The following ABCB5 variants were observed in gnomAD, a reference collection of about 807,000 sequenced individuals.
ABCB5 encodes the protein ATP-binding cassette sub-family B member 5.
ABCB5 carries 155 observed loss-of-function variants against 144.2 expected under a neutral mutation model. That is an observed-to-expected ratio of 1.08 (90% CI 0.94 to 1.23). ABCB5 has a LOEUF of 1.23. Among genes scored for constraint, ABCB5 ranks in the 50% most tolerant of loss-of-function variants. ABCB5 has a pLI of 0.00. For synonymous variants in ABCB5, 610 were observed against 528.6 expected (o/e 1.15, Z -2.11); for missense variants, 1,830 against 1,520.8 (o/e 1.20, Z -3.38).
chr7:20,633,931 T>C (rs1043788525), intron 5 of ABCB5, among the ~76,000 whole-genome samples: 2 of 152,104 alleles, frequency 1.3e-5, no homozygotes, highest in African/African-American at 4.8e-5. Flanking sequence ...ATATATTGCA[T>C]AGTGGTGAAG....
intron 24 of ABCB5, among the ~76,000 whole-genome samples, chr7:20,740,839 G>A (rs1037680420): frequency 6.6e-6 from 1 of 152,054 alleles, no homozygotes; most frequent in Admixed American, 6.6e-5. Flanking sequence ...GGGTGTGGTG[G>A]CTTACACCTG....
At position 20,650,162 on chromosome 7, in the gene ABCB5, C is replaced by G; in HGVS notation, c.1332+15C>G. On this transcript the variant is annotated intron_variant, in intron 12 of 27. Coordinates refer to ENST00000404938, the MANE Select transcript of ABCB5 (RefSeq NM_001163941.2). ...ATGATGGCTTTGTAAGTGCAGCTAG[C>G]AAAACCATGCACAGTCCACCTAATG... 1.9e-6 allele frequency: 3 copies of G among 1,612,818 alleles called. No homozygotes were observed. Among genetic ancestry groups the G allele is most frequent in the Non-Finnish European group, 2.5e-6 (3 of 1,179,166 alleles).
chr7:20,712,480 A>G (rs1781519934), intron 20 of ABCB5, among the ~76,000 whole-genome samples: 1 of 149,058 alleles, frequency 6.7e-6, no homozygotes, highest in East Asian at 2.0e-4. Context: ...TTCTAGTCTC[A>G]CCTCTCCTTC....
intron 14 of ABCB5, among the ~76,000 whole-genome samples, chr7:20,664,140 C>T (rs1463057041): frequency 2.0e-5 from 3 of 151,926 alleles, no homozygotes; most frequent in Non-Finnish European, 4.4e-5. Flanking sequence ...GGAATTTGGC[C>T]TCTCAGAGTC....
At chr7:20,674,787 CTG>C in intron 14 of ABCB5, among the ~76,000 whole-genome samples, 1 of 144,494 alleles carries the variant, frequency 6.9e-6, no homozygotes, top group East Asian at 2.0e-4. Flanking sequence ...CACACACAAA[CTG>C]TTAGAACTAA....
At chr7:20,630,776 T>C (rs2128018947) in intron 4 of ABCB5, among the ~76,000 whole-genome samples, 1 of 152,306 alleles carries the variant, frequency 6.6e-6, no homozygotes, top group South Asian at 2.1e-4. Context: ...TTAAGTTTAT[T>C]CTGTAATTGA....
chr7:20,639,272 CA>C (rs1784235826), intron 5 of ABCB5, among the ~76,000 whole-genome samples: 1 of 152,156 alleles, frequency 6.6e-6, no homozygotes, highest in Non-Finnish European at 1.5e-5. Flanking sequence ...GTTGGATATA[CA>C]ATTGGCAAAT....
chr7:20,682,870 G>A (rs775226231), intron 15 of ABCB5, among the ~76,000 whole-genome samples: 2 of 152,130 alleles, frequency 1.3e-5, no homozygotes, highest in Non-Finnish European at 2.9e-5. Flanking sequence ...CCATACTTGC[G>A]TGTGTCATGG....
rs868427917 is a variant in ABCB5 at position 20,741,137 on chromosome 7, C to G, written c.3025-1740C>G. On this transcript the variant is annotated intron_variant, in intron 24 of 27. Coordinates refer to ENST00000404938, the MANE Select transcript of ABCB5 (RefSeq NM_001163941.2). ...AAAAAAAAATTAAAGTCTGGTCAAA[C>G]AAAATTGGCAAATATTGAAATTCCA... 1.8e-4 allele frequency among the ~76,000 whole-genome samples: 27 copies of G among 148,042 alleles called. 1 individual carries two copies. The South Asian group carries it at 2.1e-3, about 12-fold the overall frequency.
rs150104901 is a variant in ABCB5 at position 20,739,493 on chromosome 7, G to A, written c.3024+354G>A. On this transcript the variant is annotated intron_variant, in intron 24 of 27. Coordinates refer to ENST00000404938, the MANE Select transcript of ABCB5 (RefSeq NM_001163941.2). ...GTAACATAAAGAGTTAAAAGTTTGT[G>A]CAAAATAATTTTATGGCTGCAAACG... Among the ~76,000 whole-genome samples, 219 of 152,144 alleles carry A rather than the reference G, an allele frequency of 1.4e-3. 5 individuals are homozygous for A. In the East Asian group the frequency reaches 0.033, roughly 23 times the overall value.
At chr7:20,628,589 C>T in intron 3 of ABCB5, 99 bp from the exon 4 acceptor site, 1 of 1,225,404 alleles carries the variant, frequency 8.2e-7, no homozygotes, top group Non-Finnish European at 1.1e-6. Context: ...GTCATGTTTA[C>T]TAGGTGGCAA....
intron 1 of ABCB5, among the ~76,000 whole-genome samples, chr7:20,620,497 C>T (rs1335714201): frequency 3.3e-5 from 5 of 151,908 alleles, no homozygotes; most frequent in Non-Finnish European, 7.4e-5. Flanking sequence ...TTGCAAATCA[C>T]GTACTTAATA....
intron 15 of ABCB5, among the ~76,000 whole-genome samples, chr7:20,682,453 G>A (rs1365313405): frequency 3.3e-5 from 5 of 152,162 alleles, no homozygotes; most frequent in Admixed American, 2.0e-4. Context: ...TAAAAGGTGG[G>A]AGTTGGGGGT....
intron 14 of ABCB5, among the ~76,000 whole-genome samples, chr7:20,679,485 A>AAAAAAG (rs1396302002): frequency 3.4e-5 from 5 of 147,526 alleles, no homozygotes; most frequent in African/African-American, 1.0e-4. Context: ...AAAAAAAAAA[A>AAAAAAG]AGAGAGAGAG....
At chr7:20,741,943 T>C (rs1457642561) in intron 24 of ABCB5, among the ~76,000 whole-genome samples, 2 of 152,254 alleles carry the variant, frequency 1.3e-5, no homozygotes, top group Non-Finnish European at 2.9e-5. Context: ...CATTTAGTGA[T>C]AGTTCTGGAA....
At chr7:20,721,774 A>G (rs1349429359) in intron 20 of ABCB5, among the ~76,000 whole-genome samples, 1 of 152,232 alleles carries the variant, frequency 6.6e-6, no homozygotes, top group Non-Finnish European at 1.5e-5. Flanking sequence ...TTTTCCATTC[A>G]AATAGGAGTT....
At position 20,622,187 on chromosome 7, in the gene ABCB5, T is replaced by G. The variant is rs541781800; in HGVS notation, c.-21-1078T>G. 2.0e-5 allele frequency among the ~76,000 whole-genome samples: 3 copies of G among 152,278 alleles called. No homozygotes were observed. In the East Asian group the frequency reaches 5.8e-4, roughly 29 times the overall value. On this transcript the variant is annotated intron_variant, in intron 1 of 27. Transcript: ENST00000404938. Reference sequence around the variant, plus strand: ...TTACCAAGGCGAGGCTTAATTGTTTTGATTTCTTTCTATGGATGGATGCAT... The same window carrying G: ...TTACCAAGGCGAGGCTTAATTGTTTGGATTTCTTTCTATGGATGGATGCAT...
At position 20,710,381 on chromosome 7, in the gene ABCB5, A is replaced by AAAGGGG. The variant is rs1242291728; in HGVS notation, c.2421+5574_2421+5575insAAGGGG. 1.1e-3 allele frequency among the ~76,000 whole-genome samples: 65 copies of AAAGGGG among 56,706 alleles called. 10 individuals carry two copies. Among genetic ancestry groups the AAAGGGG allele is most frequent in the South Asian group, 4.2e-3 (5 of 1,196 alleles). The allele number at this position is 56,706 out of a possible 152,430, so 37.2% of individuals were successfully genotyped here. The stretch of plus-strand genomic sequence containing the variant: ...AAACTCCACCTCAAAAAAAAAAAAA[A>AAAGGGG]GTGGGGGGGGGGCATGACTGTGTTT... On this transcript the variant is annotated intron_variant, in intron 20 of 27. Transcript: ENST00000404938.
intron 1 of ABCB5, among the ~76,000 whole-genome samples, chr7:20,617,877 A>G (rs59381215): frequency 0.048 from 7,236 of 152,262 alleles, 584 homozygotes; most frequent in African/African-American, 0.16. Flanking sequence ...AACAAAGAAC[A>G]TTAGATAGTG....
Sources: gnomAD v4.1 joint callset for allele counts (sites outside exome capture counted in the v4.1 genomes callset) on GRCh38, gnomAD v4.1.1 for gene constraint, MANE v1.5 for transcripts, NCBI Gene and HGNC (gene_info 2026-07-23, HGNC 2026-07-21) for gene names.